RPS12: variants seen among roughly 807,000 people sequenced by gnomAD.
RPS12 encodes small ribosomal subunit protein eS12.
Under a neutral mutation model 17.2 loss-of-function variants are expected in RPS12, and 1 was observed. The observed-to-expected ratio is 0.06, with a 90% CI of 0.02 to 0.28. RPS12 has a LOEUF of 0.28. RPS12 is among the 10% of genes least tolerant of loss of function. The pLI, the probability that RPS12 is intolerant of heterozygous loss-of-function variation, is 1.00. For synonymous variants in RPS12, 67 were observed against 54.0 expected (o/e 1.24, Z -1.06); for missense variants, 146 against 162.1 (o/e 0.90, Z 0.54).
rs376641465 is a variant in RPS12 at position 132,816,609 on chromosome 6, T to C, written c.234+46T>C. On this transcript the variant is annotated intron_variant, in intron 4 of 5. Coordinates refer to ENST00000230050, the MANE Select transcript of RPS12 (RefSeq NM_001016.4). ...GTTGGGACTAATGTTCAGTGATGCT[T>C]GTATATGGGGGTAAATTCTGTGAAG... 3 of 1,261,302 alleles carry C rather than the reference T, an allele frequency of 2.4e-6. No individual in the cohort carries two copies. In the African/African-American group the frequency reaches 4.4e-5, roughly 18 times the overall value. 78.1% of individuals were successfully genotyped at this position (1,261,302 alleles called of 1,614,324 possible).
intron 2 of RPS12, 40 bp downstream of exon 2, chr6:132,814,822 C>T: frequency 6.4e-7 from 1 of 1,572,608 alleles, no homozygotes; most frequent in Non-Finnish European, 8.7e-7. Context: ...GGTCGGGGTG[C>T]GGCTGAGGCG....
At chr6:132,816,003 T>C (rs1782049132) in intron 3 of RPS12, 2 of 433,160 alleles carry the variant, frequency 4.6e-6, no homozygotes, top group South Asian at 3.3e-5. Context: ...AGCTAGTTTT[T>C]GTACTTTCAG....
At chr6:132,817,097 C>A in intron 5 of RPS12, 36 bp downstream of exon 5, 1 of 1,253,468 alleles carries the variant, frequency 8.0e-7, no homozygotes, top group Non-Finnish European at 1.2e-6. Flanking sequence ...GAAGGTTATG[C>A]TGGGTAATCA....
At chr6:132,814,653 A>C in intron 1 of RPS12, 40 bp downstream of exon 1, 1 of 1,239,426 alleles carries the variant, frequency 8.1e-7, no homozygotes, top group Admixed American at 1.7e-5. Flanking sequence ...ATTGGTTATA[A>C]TTTGTGGCTC....
At chr6:132,816,791 G>T (rs1458241291) in intron 4 of RPS12, 169 bp from the exon 5 acceptor site, 2 of 770,144 alleles carry the variant, frequency 2.6e-6, no homozygotes, top group Non-Finnish European at 4.7e-6. Flanking sequence ...AGGCTTGTAG[G>T]TGATCTTAGT....
At chr6:132,817,362 G>T in intron 5 of RPS12, 118 bp from the exon 6 acceptor site, 1 of 831,632 alleles carries the variant, frequency 1.2e-6, no homozygotes, top group Non-Finnish European at 2.1e-6. Context: ...CTTAGTGATG[G>T]GAAACATTTT....
At chr6:132,817,317 A>G (rs377038643) in intron 5 of RPS12, 163 bp from the exon 6 acceptor site, 1 of 779,526 alleles carries the variant, frequency 1.3e-6, no homozygotes, top group South Asian at 1.4e-5. Flanking sequence ...AGGACATTGA[A>G]GTCGTTAAGG....
intron 4 of RPS12, 184 bp from the exon 5 acceptor site, chr6:132,816,776 G>A: frequency 5.2e-6 from 4 of 770,266 alleles, no homozygotes; most frequent in Non-Finnish European, 9.5e-6. Flanking sequence ...ACAAAGATTA[G>A]TAGCAGGCTT....
At position 132,817,079 on chromosome 6, in the gene RPS12, C is replaced by T. The variant is rs1339996447; in HGVS notation, c.336+18C>T. The T allele has an allele frequency of 4.9e-6, 7 of 1,425,696 alleles. No individual in the cohort carries two copies. The highest frequency in any genetic ancestry group is 1.1e-5 in the South Asian group (1 of 86,990). 88.3% of individuals were successfully genotyped at this position (1,425,696 alleles called of 1,614,324 possible). The stretch of plus-strand genomic sequence containing the variant: ...TAGTTAAGGTAAGTCACCGTTTATT[C>T]TAGGGATGAAGGTTATGCTGGGTAA... On this transcript the variant is annotated intron_variant, in intron 5 of 5. Coordinates refer to ENST00000230050, the MANE Select transcript of RPS12 (RefSeq NM_001016.4).
At chr6:132,815,846 CT>C (rs557381189) in intron 3 of RPS12, 26,495 of 293,484 alleles carry the variant, frequency 0.09, no homozygotes, top group South Asian at 0.13. Flanking sequence ...TTTCTTTTTT[CT>C]TTTTTTTTTT....
intron 4 of RPS12, 171 bp from the exon 5 acceptor site, chr6:132,816,789 A>G (rs751808719): frequency 2.6e-6 from 2 of 770,010 alleles, no homozygotes; most frequent in African/African-American, 3.4e-5. Context: ...GCAGGCTTGT[A>G]GGTGATCTTA....
chr6:132,816,511 A>G lies in RPS12; in HGVS notation c.182A>G (p.Tyr61Cys), dbSNP rs1265301004. 1.2e-6 allele frequency: 2 copies of G among 1,606,816 alleles called. No homozygotes were observed. The highest frequency in any genetic ancestry group is 1.1e-5 in the South Asian group (1 of 91,078). ...VLASNCDEPM[Y>C]VKLVEALCAE... ...GCATCCAACTGTGATGAGCCTATGT[A>G]TGTCAAGTTGGTGGAGGCCCTTTGT... The change falls in exon 4 of 6, where the codon TAT (tyrosine) becomes TGT (cysteine). Residue 61 changes from tyrosine (Y) to cysteine (C), a missense_variant. Transcript: ENST00000230050.
At chr6:132,815,219 G>C (rs1038260017) in intron 3 of RPS12, 131 bp downstream of exon 3, 5 of 751,086 alleles carry the variant, frequency 6.7e-6, no homozygotes, top group Non-Finnish European at 1.2e-5. Flanking sequence ...GGAAACCTAG[G>C]AAAAGGTATC....
intron 3 of RPS12, chr6:132,815,364 T>TA (rs1562280199): frequency 6.5e-6 from 4 of 615,052 alleles, no homozygotes; most frequent in South Asian, 5.5e-5. Context: ...GAGTGAAACA[T>TA]AAGAGTCTGA....
At chr6:132,814,872 TCGCCGTAAG>T in intron 2 of RPS12, 90 bp downstream of exon 2, 1 of 1,446,552 alleles carries the variant, frequency 6.9e-7, no homozygotes, top group Non-Finnish European at 9.7e-7. Context: ...GTCAAACGGG[TCGCCGTAAG>T]CGCGTCTGTT....
chr6:132,816,591 C>A (rs1223647026), intron 4 of RPS12, 28 bp downstream of exon 4: 3 of 1,458,796 alleles, frequency 2.1e-6, no homozygotes, highest in East Asian at 4.5e-5. Flanking sequence ...TGTGTTGGGA[C>A]TAATGTTCAG....
Position 132,814,772 on chromosome 6 carries a change from G to A in RPS12, c.4G>A (p.Ala2Thr). The stretch of plus-strand genomic sequence containing the variant: ...ACTTCACCCGTAACCCACCGCCATG[G>A]CCGAGGAAGGGTGAGCCCAGGGGCC... M[A>T]EEGIAAGGVM... The change falls in exon 2 of 6, where the codon GCC (alanine) becomes ACC (threonine). Residue 2 changes from alanine (A) to threonine (T), a missense_variant. Around this residue, in one of 2 missense-constraint regions of RPS12, gnomAD observed 117 missense variants for 104.6 expected, o/e 1.12. Transcript: ENST00000230050. 1 of 1,613,550 alleles carries A rather than the reference G, an allele frequency of 6.2e-7. No homozygotes were observed. The highest frequency in any genetic ancestry group is 1.3e-5 in the African/African-American group (1 of 75,028).
intron 4 of RPS12, 48 bp from the exon 5 acceptor site, chr6:132,816,912 A>T: frequency 1.7e-6 from 2 of 1,198,008 alleles, no homozygotes; most frequent in Non-Finnish European, 2.5e-6. Context: ...TGGTAGTGTT[A>T]ATGTCTATTA....
rs9483504 is a variant in RPS12, at chr6:132,814,747, A to C, written c.-22A>C. 12 of 1,611,830 alleles carry C rather than the reference A, an allele frequency of 7.4e-6. No individual in the cohort carries two copies. In the South Asian group the frequency reaches 8.8e-5, roughly 12 times the overall value. On this transcript the variant is annotated 5_prime_UTR_variant, in exon 2 of 6. Coordinates refer to ENST00000230050, the MANE Select transcript of RPS12 (RefSeq NM_001016.4). ...TGTTTTTTAGTGCGTTCAAGATTCA[A>C]CTTCACCCGTAACCCACCGCCATGG...
Sources: allele counts gnomAD v4.1 joint callset, GRCh38; gene constraint gnomAD v4.1.1; regional missense constraint gnomAD v4.1.1; transcripts MANE v1.5; gene names NCBI Gene and HGNC (gene_info 2026-07-23, HGNC 2026-07-21).